VPS13B: variants seen among roughly 807,000 people sequenced by gnomAD.
VPS13B encodes vacuolar protein sorting 13 homolog B, also known as intermembrane lipid transfer protein VPS13B.
A neutral mutation model predicts 426.4 loss-of-function variants in VPS13B; 285 were observed. The observed-to-expected ratio is 0.67, with a 90% CI of 0.61 to 0.74. The LOEUF is 0.74. Among genes scored for constraint, VPS13B ranks in the 30% least tolerant of loss-of-function variants. The probability of loss-of-function intolerance (pLI) is 0.00; values close to 1 mark genes in which losing one functional copy is unlikely to be tolerated. For missense variants in VPS13B, 4,537 were observed against 4,782.6 expected, an observed-to-expected ratio of 0.95 and a Z score of 1.51; for synonymous variants, 1,676 against 1,676.4, an observed-to-expected ratio of 1.00 and a Z score of 0.01.
intron 56 of VPS13B, among the ~76,000 whole-genome samples, chr8:99,856,071 C>T (rs774126645): frequency 6.6e-5 from 10 of 152,246 alleles, no homozygotes; most frequent in Non-Finnish European, 1.3e-4. Context: ...AGCAGGGAAA[C>T]TCTACCTGTG....
Position 99,416,660 on chromosome 8 carries a change from G to A in VPS13B, c.3083-14877G>A, listed in dbSNP as rs565774008. ...GGCACAGTCCCTCATGGCTTCCCTT[G>A]GTTAGGGGAGGGCATTCCCTGACCC... On this transcript the variant is annotated intron_variant, in intron 21 of 61. Transcript: ENST00000357162. Among the ~76,000 whole-genome samples the A allele has an allele frequency of 3.3e-5, 5 of 152,246 alleles. No individual in the cohort carries two copies. In the South Asian group the frequency reaches 8.3e-4, roughly 25 times the overall value.
chr8:99,292,834 A>T (rs1819810078), intron 19 of VPS13B, among the ~76,000 whole-genome samples: 1 of 152,194 alleles, frequency 6.6e-6, no homozygotes, highest in Admixed American at 6.6e-5. Flanking sequence ...CCTAAGATAC[A>T]GACAGTGGTT....
At chr8:99,871,424 C>T in intron 60 of VPS13B, 24 bp from the exon 61 acceptor site, 1 of 1,614,030 alleles carries the variant, frequency 6.2e-7, no homozygotes, top group East Asian at 2.2e-5. Context: ...TGGCCCCTGG[C>T]CTCACTTTTC....
intron 16 of VPS13B, among the ~76,000 whole-genome samples, chr8:99,190,558 A>G (rs1338619801): frequency 6.6e-6 from 1 of 151,834 alleles, no homozygotes. Flanking sequence ...CTCTGTCTAC[A>G]CTATTGCCTT....
chr8:99,441,795 G>A (rs1588383912), intron 22 of VPS13B, among the ~76,000 whole-genome samples: 1 of 151,976 alleles, frequency 6.6e-6, no homozygotes, highest in Non-Finnish European at 1.5e-5. Context: ...ATAATGCTCT[G>A]ATTTTTAAGT....
At chr8:99,865,053 C>T (rs1243055917) in intron 58 of VPS13B, among the ~76,000 whole-genome samples, 4 of 152,206 alleles carry the variant, frequency 2.6e-5, no homozygotes, top group Non-Finnish European at 5.9e-5. Context: ...CCATGCCCAG[C>T]CGCACTGCCC....
intron 55 of VPS13B, among the ~76,000 whole-genome samples, chr8:99,850,800 C>T (rs915856847): frequency 6.6e-6 from 1 of 152,086 alleles, no homozygotes; most frequent in Non-Finnish European, 1.5e-5. Context: ...GTGGTAGGCA[C>T]CTGTAATCCC....
intron 17 of VPS13B, among the ~76,000 whole-genome samples, chr8:99,249,733 A>G (rs1368739412): frequency 6.6e-6 from 1 of 152,122 alleles, no homozygotes; most frequent in Non-Finnish European, 1.5e-5. Context: ...TGAATGTTTA[A>G]GTTTTAAAGA....
At chr8:99,213,581 C>T (rs1815225220) in intron 17 of VPS13B, among the ~76,000 whole-genome samples, 1 of 152,102 alleles carries the variant, frequency 6.6e-6, no homozygotes, top group African/African-American at 2.4e-5. Flanking sequence ...ATACTTTTCT[C>T]TTCTCTGTAG....
At chr8:99,845,950 A>G (rs577478687) in intron 54 of VPS13B, among the ~76,000 whole-genome samples, 2 of 152,330 alleles carry the variant, frequency 1.3e-5, no homozygotes, top group South Asian at 4.1e-4. Flanking sequence ...CTCTAGAAGG[A>G]ATACATGTCA....
chr8:99,430,196 T>A (rs1817013214), intron 21 of VPS13B, among the ~76,000 whole-genome samples: 1 of 152,176 alleles, frequency 6.6e-6, no homozygotes, highest in South Asian at 2.1e-4. Context: ...AAGTCCGTTC[T>A]TCATGCCCTT....
chr8:99,718,433 A>G (rs530499619), intron 37 of VPS13B, among the ~76,000 whole-genome samples: 3 of 152,324 alleles, frequency 2.0e-5, no homozygotes. Context: ...TAAATTAGTC[A>G]CACTGCAAGC....
At chr8:99,189,414 A>C (rs1813423982) in intron 16 of VPS13B, among the ~76,000 whole-genome samples, 1 of 152,224 alleles carries the variant, frequency 6.6e-6, no homozygotes, top group Non-Finnish European at 1.5e-5. Context: ...TTGAATGCCC[A>C]TAGAATTTTT....
intron 43 of VPS13B, among the ~76,000 whole-genome samples, chr8:99,792,238 C>A (rs1812574635): frequency 6.6e-6 from 1 of 152,002 alleles, no homozygotes; most frequent in Non-Finnish European, 1.5e-5. Flanking sequence ...TGTACAATGT[C>A]CATAATATAA....
intron 19 of VPS13B, among the ~76,000 whole-genome samples, chr8:99,356,478 T>C (rs1180786603): frequency 6.6e-6 from 1 of 152,090 alleles, no homozygotes; most frequent in Non-Finnish European, 1.5e-5. Flanking sequence ...TGAGACCCTG[T>C]CTCTACAAAA....
At chr8:99,447,638 C>T (rs2133452318) in intron 23 of VPS13B, among the ~76,000 whole-genome samples, 1 of 152,030 alleles carries the variant, frequency 6.6e-6, no homozygotes, top group East Asian at 1.9e-4. Flanking sequence ...ATTATCTTTA[C>T]TCTTTTTGGA....
At chr8:99,175,741 C>T (rs1017228372) in intron 16 of VPS13B, among the ~76,000 whole-genome samples, 5 of 152,036 alleles carry the variant, frequency 3.3e-5, no homozygotes, top group South Asian at 2.1e-4. Flanking sequence ...TGAGTGACAG[C>T]GAGACCCTGT....
chr8:99,654,206 G>A (rs540807105), intron 34 of VPS13B, among the ~76,000 whole-genome samples: 152 of 151,930 alleles, frequency 1.0e-3, no homozygotes, highest in African/African-American at 3.5e-3. Context: ...CCGCCACCAC[G>A]CCCGGCTAAT....
chr8:99,748,123 C>A (rs185080946), intron 39 of VPS13B, among the ~76,000 whole-genome samples: 56 of 152,118 alleles, frequency 3.7e-4, no homozygotes, highest in Admixed American at 2.6e-3. Flanking sequence ...GTGTCTATGG[C>A]TTTTATTCTA....
Sources: gnomAD v4.1 joint callset for allele counts (sites outside exome capture counted in the v4.1 genomes callset) on GRCh38, gnomAD v4.1.1 for gene constraint, MANE v1.5 for transcripts, NCBI Gene and HGNC (gene_info 2026-07-23, HGNC 2026-07-21) for gene names.